PPP6R3: variants seen among roughly 807,000 people sequenced by gnomAD.
PPP6R3 encodes the protein protein phosphatase 6 regulatory subunit 3.
A neutral mutation model predicts 110.7 loss-of-function variants in PPP6R3; 38 were observed. The observed-to-expected ratio is 0.34, with a 90% CI of 0.26 to 0.45. The LOEUF (loss-of-function observed/expected upper bound fraction) is 0.45. PPP6R3 is among the 20% of genes least tolerant of loss of function. The probability of loss-of-function intolerance (pLI) is 1.00; values close to 1 mark genes in which losing one functional copy is unlikely to be tolerated. For missense variants in PPP6R3, 870 were observed against 1,062.4 expected (o/e 0.82, Z 2.52); for synonymous variants, 369 against 373.5 (o/e 0.99, Z 0.14).
At chr11:68,516,181 T>C (rs76791745) in intron 1 of PPP6R3, among the ~76,000 whole-genome samples, 86 of 152,350 alleles carry the variant, frequency 5.6e-4, no homozygotes, top group African/African-American at 2.0e-3. Flanking sequence ...CAAGACTGAA[T>C]AATATTCCAT....
intron 7 of PPP6R3, among the ~76,000 whole-genome samples, chr11:68,556,361 A>C (rs916947904): frequency 1.3e-5 from 2 of 152,192 alleles, no homozygotes; most frequent in East Asian, 1.9e-4. Flanking sequence ...TCTGGGCTTA[A>C]ATTGAATGCA....
At chr11:68,532,766 G>A (rs1417498783) in intron 2 of PPP6R3, among the ~76,000 whole-genome samples, 1 of 152,190 alleles carries the variant, frequency 6.6e-6, no homozygotes, top group Non-Finnish European at 1.5e-5. Flanking sequence ...AGATACACAA[G>A]TACTTAGCAT....
intron 2 of PPP6R3, among the ~76,000 whole-genome samples, chr11:68,537,024 C>G (rs922767327): frequency 6.6e-6 from 1 of 152,048 alleles, no homozygotes; most frequent in Admixed American, 6.6e-5. Context: ...CTCTGTTTTC[C>G]TTGTTGAGGA....
chr11:68,582,207 G>A (rs541236671), intron 14 of PPP6R3, among the ~76,000 whole-genome samples: 36 of 152,310 alleles, frequency 2.4e-4, no homozygotes, highest in South Asian at 1.0e-3. Context: ...TACAGTGTAA[G>A]TTACCCGCAG....
chr11:68,462,143 A>G (rs559510128), intron 1 of PPP6R3, among the ~76,000 whole-genome samples: 1 of 152,218 alleles, frequency 6.6e-6, no homozygotes, highest in East Asian at 1.9e-4. Context: ...ACATACAGTC[A>G]CCTCAGTGGC....
Position 68,612,540 on chromosome 11 carries a change from T to A in PPP6R3, c.2571-526T>A, listed in dbSNP as rs79963352. On this transcript the variant is annotated intron_variant, in intron 23 of 23. Coordinates refer to ENST00000393800, the MANE Select transcript of PPP6R3 (RefSeq NM_001164161.2). ...TCCCTCCCAGTTTTGAGCCTAACATTTGCTTTGTGGGACATGTTCTTCAAG... is the reference window on the plus strand; with the variant it reads ...TCCCTCCCAGTTTTGAGCCTAACATATGCTTTGTGGGACATGTTCTTCAAG... Among the ~76,000 whole-genome samples the A allele has an allele frequency of 7.3e-3, 1,107 of 152,254 alleles. 15 individuals carry two copies. The highest frequency in any genetic ancestry group is 0.025 in the African/African-American group (1,055 of 41,534).
At chr11:68,609,165 C>G (rs1208483968) in intron 22 of PPP6R3, among the ~76,000 whole-genome samples, 1 of 152,196 alleles carries the variant, frequency 6.6e-6, no homozygotes, top group Non-Finnish European at 1.5e-5. Context: ...AGGAGAGTGT[C>G]TCTTGTGTCT....
intron 4 of PPP6R3, 59 bp from the exon 5 acceptor site, chr11:68,548,008 G>A (rs1315225433): frequency 1.3e-6 from 2 of 1,529,268 alleles, no homozygotes; most frequent in Non-Finnish European, 1.8e-6. Context: ...GGACTTAAAA[G>A]GTAAAGTTTA....
chr11:68,486,388 A>G (rs1044726202), intron 1 of PPP6R3, among the ~76,000 whole-genome samples: 4 of 151,822 alleles, frequency 2.6e-5, no homozygotes, highest in African/African-American at 9.7e-5. Context: ...GGTGGATCAC[A>G]AGTTCAGGAG....
At chr11:68,534,379 C>T (rs11228274) in intron 2 of PPP6R3, among the ~76,000 whole-genome samples, 11,773 of 152,206 alleles carry the variant, frequency 0.077, 606 homozygotes, top group Non-Finnish European at 0.11. Context: ...TTAAAACAAC[C>T]CTTAAAAAAT....
At chr11:68,477,741 A>AAAAAAAAAAATAT in intron 1 of PPP6R3, among the ~76,000 whole-genome samples, 3 of 57,894 alleles carry the variant, frequency 5.2e-5, no homozygotes, top group African/African-American at 1.4e-4. Context: ...AAAAAAAAAA[A>AAAAAAAAAAATAT]ATATATATAT....
chr11:68,500,899 C>G (rs1206129518), intron 1 of PPP6R3, among the ~76,000 whole-genome samples: 1 of 152,136 alleles, frequency 6.6e-6, no homozygotes, highest in Non-Finnish European at 1.5e-5. Context: ...TTCATTTAGA[C>G]CAGAGCTGTT....
intron 8 of PPP6R3, among the ~76,000 whole-genome samples, chr11:68,559,751 G>A (rs2099411935): frequency 6.6e-6 from 1 of 151,448 alleles, no homozygotes; most frequent in African/African-American, 2.4e-5. Flanking sequence ...CCTACCCCAG[G>A]GATACAGTGC....
rs1215223686 is a variant in PPP6R3 at position 68,498,804 on chromosome 11, AC to A, written c.-157-20696del. 3.0e-4 allele frequency among the ~76,000 whole-genome samples: 46 copies of A among 152,340 alleles called. 1 individual carries two copies. The highest frequency in any genetic ancestry group is 2.6e-3 in the Admixed American group (40 of 15,294). ...ACATTCAGTTTGTATCTTTTGGTCA[AC>A]AACATACGTATGCATTTCTGTTGTT... is the stretch of plus-strand genomic sequence containing the variant. On this transcript the variant is annotated intron_variant, in intron 1 of 23. Transcript: ENST00000393800.
intron 3 of PPP6R3, among the ~76,000 whole-genome samples, chr11:68,543,273 C>T (rs541274937): frequency 4.6e-5 from 7 of 152,224 alleles, no homozygotes; most frequent in South Asian, 2.1e-4. Flanking sequence ...CACCTGTAAC[C>T]GCTGCATCAG....
intron 1 of PPP6R3, among the ~76,000 whole-genome samples, chr11:68,484,610 G>A (rs997387981): frequency 2.0e-5 from 3 of 151,360 alleles, no homozygotes; most frequent in Non-Finnish European, 2.9e-5. Flanking sequence ...ATTTTGAGAC[G>A]GAGTTTCGCT....
chr11:68,502,016 C>T (rs895507288), intron 1 of PPP6R3, among the ~76,000 whole-genome samples: 6 of 152,098 alleles, frequency 3.9e-5, no homozygotes, highest in Non-Finnish European at 8.8e-5. Context: ...TGCTTAAAGT[C>T]GCAGTTTGAA....
At chr11:68,581,400 A>G (rs2099553955) in intron 14 of PPP6R3, among the ~76,000 whole-genome samples, 1 of 152,218 alleles carries the variant, frequency 6.6e-6, no homozygotes, top group Non-Finnish European at 1.5e-5. Flanking sequence ...GTGAATGAGG[A>G]TACATCGAAT....
intron 1 of PPP6R3, among the ~76,000 whole-genome samples, chr11:68,509,335 T>G (rs1475100114): frequency 2.0e-5 from 3 of 152,196 alleles, no homozygotes; most frequent in Non-Finnish European, 4.4e-5. Flanking sequence ...GTCAGTTAAA[T>G]TCTTTCCCTG....
Sources: allele counts gnomAD v4.1 joint callset (sites outside exome capture counted in the v4.1 genomes callset), GRCh38; gene constraint gnomAD v4.1.1; transcripts MANE v1.5; gene names NCBI Gene and HGNC (gene_info 2026-07-23, HGNC 2026-07-21).